MAGI2: variants seen among roughly 807,000 people sequenced by gnomAD.
MAGI2 encodes the protein membrane associated guanylate kinase, WW and PDZ domain containing 2.
In MAGI2, 35 loss-of-function variants were observed where a neutral mutation model predicts 133.3. The observed-to-expected ratio is 0.26, with a 90% CI of 0.20 to 0.35. The LOEUF is 0.35. MAGI2 is among the 10% of genes least tolerant of loss of function. The pLI is 1.00. For synonymous variants in MAGI2, 729 were observed against 710.6 expected, an observed-to-expected ratio of 1.03 and a Z score of -0.41; for missense variants, 1,636 against 1,863.4, an observed-to-expected ratio of 0.88 and a Z score of 2.25.
intron 2 of MAGI2, among the ~76,000 whole-genome samples, chr7:78,773,298 A>G (rs143290014): frequency 2.4e-4 from 37 of 152,290 alleles, no homozygotes; most frequent in Middle Eastern, 3.4e-3. Flanking sequence ...AAAGAAGCCT[A>G]TTAAAACTTA....
chr7:78,714,030 T>C lies in MAGI2; in HGVS notation c.419-86791A>G, dbSNP rs1819465566. Among the ~76,000 whole-genome samples, 11 of 141,272 alleles carry C rather than the reference T, an allele frequency of 7.8e-5. No individual in the cohort carries two copies. The Admixed American group carries it at 8.2e-4, about 10-fold the overall frequency. The allele number at this position is 141,272 out of a possible 152,430, so 92.7% of individuals were successfully genotyped here. On this transcript the variant is annotated intron_variant, in intron 2 of 21. Transcript: ENST00000354212. ...TTTTTCCACTGAGAATAGTTTCCCA[T>C]GTTTTCAAAAGAGCACAGTTGTGTG...
chr7:78,034,788 A>T (rs984724510), intron 21 of MAGI2: 1 of 152,266 alleles, frequency 6.6e-6, no homozygotes, highest in Non-Finnish European at 1.5e-5. Flanking sequence ...TTGGCGTCCC[A>T]AAGTGCTGGG....
rs147304851 is a variant in MAGI2 at position 78,423,153 on chromosome 7, G to T, written c.1046-53940C>A. On this transcript the variant is annotated intron_variant, in intron 6 of 21. Coordinates refer to ENST00000354212, the MANE Select transcript of MAGI2 (RefSeq NM_012301.4). ...AACTCCTACAATTCCCATGTATTAT[G>T]GGAGGAATTTGGTGGGAGGTGATTG... is the stretch of plus-strand genomic sequence containing the variant. Among the ~76,000 whole-genome samples, 705 of 152,268 alleles carry T rather than the reference G, an allele frequency of 4.6e-3. 14 individuals carry two copies. Among genetic ancestry groups the T allele is most frequent in the African/African-American group, 9.0e-3 (376 of 41,560 alleles).
intron 1 of MAGI2, among the ~76,000 whole-genome samples, chr7:79,020,779 G>A (rs28869212): frequency 6.5e-4 from 71 of 109,982 alleles, no homozygotes; most frequent in Admixed American, 1.8e-3. Flanking sequence ...AAAAAAAAAA[G>A]GAAAGAAAAA....
At chr7:78,213,863 C>T (rs1270305685) in intron 10 of MAGI2, among the ~76,000 whole-genome samples, 2 of 152,176 alleles carry the variant, frequency 1.3e-5, no homozygotes, top group African/African-American at 4.8e-5. Flanking sequence ...TAAGGTTTTC[C>T]TTCTAACACT....
chr7:78,175,425 A>G (rs1168335037), intron 14 of MAGI2, among the ~76,000 whole-genome samples: 1 of 152,126 alleles, frequency 6.6e-6, no homozygotes, highest in African/African-American at 2.4e-5. Flanking sequence ...TGGAGACTCC[A>G]TCTGTCCTAG....
In MAGI2 at chr7:79,250,126, T is replaced by G. The variant is rs138943759; in HGVS notation, c.301+202894A>C. 5.3e-5 allele frequency among the ~76,000 whole-genome samples: 8 copies of G among 151,932 alleles called. No homozygotes were observed. In the East Asian group the frequency reaches 1.4e-3, roughly 26 times the overall value. ...AAATAAATCCTCAAAAAACTGGGTA[T>G]AGAAAAAACATATGTCAACATAATG... On this transcript the variant is annotated intron_variant, in intron 1 of 21. Coordinates refer to ENST00000354212, the MANE Select transcript of MAGI2 (RefSeq NM_012301.4).
chr7:78,640,205 GT>G (rs1810135186), intron 2 of MAGI2, among the ~76,000 whole-genome samples: 1 of 152,100 alleles, frequency 6.6e-6, no homozygotes, highest in Non-Finnish European at 1.5e-5. Context: ...AAAGGAATGT[GT>G]ATTGTGAACT....
At chr7:79,045,966 G>A (rs761102043) in intron 1 of MAGI2, among the ~76,000 whole-genome samples, 2 of 152,166 alleles carry the variant, frequency 1.3e-5, no homozygotes, top group South Asian at 4.1e-4. Flanking sequence ...TCAAATTGCT[G>A]GTTTTGACAT....
chr7:78,443,263 A>C (rs1016540766), intron 6 of MAGI2, among the ~76,000 whole-genome samples: 2 of 152,164 alleles, frequency 1.3e-5, no homozygotes, highest in African/African-American at 4.8e-5. Context: ...AAATAGCACA[A>C]GGTAGTGATG....
chr7:79,030,435 G>A (rs1225471531), intron 1 of MAGI2: 5 of 152,172 alleles, frequency 3.3e-5, no homozygotes, highest in South Asian at 4.1e-4. Context: ...GGGACAAGGA[G>A]GTATTTTGCT....
intron 1 of MAGI2, among the ~76,000 whole-genome samples, chr7:79,128,865 T>TTA (rs1215876017): frequency 7.9e-5 from 12 of 152,180 alleles, no homozygotes; most frequent in Non-Finnish European, 1.5e-5. Flanking sequence ...ACACCATAGC[T>TTA]TAGCCTAGGC....
At chr7:78,633,589 C>T (rs1273002294) in intron 2 of MAGI2, among the ~76,000 whole-genome samples, 2 of 151,640 alleles carry the variant, frequency 1.3e-5, no homozygotes, top group Non-Finnish European at 2.9e-5. Context: ...GCCTGTAGTC[C>T]CAGCTACTCC....
rs768319233 is a variant in MAGI2 at position 79,062,924 on chromosome 7, C to A, written c.302-55718G>T. Among the ~76,000 whole-genome samples the A allele has an allele frequency of 2.8e-4, 43 of 152,036 alleles. 1 individual carries two copies. Among genetic ancestry groups the A allele is most frequent in the South Asian group, 2.1e-4 (1 of 4,826 alleles). ...ACTCCTAAAAGAAAGAAACAACCAC[C>A]CAGTGAAAGTCAATTAGGATTCAAC... is the stretch of plus-strand genomic sequence containing the variant. On this transcript the variant is annotated intron_variant, in intron 1 of 21. Transcript: ENST00000354212.
At chr7:78,084,722 G>A (rs1229588144) in intron 20 of MAGI2, among the ~76,000 whole-genome samples, 3 of 152,194 alleles carry the variant, frequency 2.0e-5, no homozygotes, top group African/African-American at 4.8e-5. Flanking sequence ...CCAGGAAAAG[G>A]AAAAGTCAGA....
intron 2 of MAGI2, among the ~76,000 whole-genome samples, chr7:78,644,400 T>A (rs1208471030): frequency 6.6e-6 from 1 of 152,094 alleles, no homozygotes; most frequent in Non-Finnish European, 1.5e-5. Flanking sequence ...AGATAGACCA[T>A]ATTCTTGGCA....
chr7:78,209,342 A>G (rs1354391451), intron 10 of MAGI2, among the ~76,000 whole-genome samples: 1 of 143,274 alleles, frequency 7.0e-6, no homozygotes, highest in Non-Finnish European at 1.5e-5. Context: ...GCTCACTGCA[A>G]GCTCCGCCTT....
intron 2 of MAGI2, among the ~76,000 whole-genome samples, chr7:78,863,700 T>C (rs1794335655): frequency 1.3e-5 from 2 of 152,226 alleles, no homozygotes; most frequent in South Asian, 4.1e-4. Context: ...CAGATAAATA[T>C]AGGATCACTA....
intron 7 of MAGI2, among the ~76,000 whole-genome samples, chr7:78,367,781 C>A (rs752943341): frequency 6.6e-6 from 1 of 152,088 alleles, no homozygotes; most frequent in Non-Finnish European, 1.5e-5. Context: ...TTAAGACAAG[C>A]TAGCATTTAT....
Sources: allele counts gnomAD v4.1 joint callset (sites outside exome capture counted in the v4.1 genomes callset), GRCh38; gene constraint gnomAD v4.1.1; transcripts MANE v1.5; gene names NCBI Gene and HGNC (gene_info 2026-07-23, HGNC 2026-07-21).